The following MBD5 variants were observed in gnomAD, a reference collection of about 807,000 sequenced individuals.
The protein encoded by MBD5 is methyl-CpG-binding domain protein 5.
A neutral mutation model predicts 117.3 loss-of-function variants in MBD5; 13 were observed. That is an observed-to-expected ratio of 0.11 (90% CI 0.07 to 0.18). The LOEUF (loss-of-function observed/expected upper bound fraction) is 0.18. Among genes scored for constraint, MBD5 ranks in the 10% least tolerant of loss-of-function variants. MBD5 has a pLI of 1.00. For synonymous variants in MBD5, 727 were observed against 766.4 expected (o/e 0.95, Z 0.85); for missense variants, 1,879 against 2,093.8 (o/e 0.90, Z 2.00).
At chr2:148,374,148 A>G (rs1703928517) in intron 4 of MBD5, among the ~76,000 whole-genome samples, 1 of 152,002 alleles carries the variant, frequency 6.6e-6, no homozygotes, top group Non-Finnish European at 1.5e-5. Flanking sequence ...GTGACTTACT[A>G]GATGCCAATT....
chr2:148,348,874 T>C (rs549073269), intron 4 of MBD5, among the ~76,000 whole-genome samples: 10 of 152,078 alleles, frequency 6.6e-5, no homozygotes, highest in Non-Finnish European at 1.3e-4. Context: ...GCTTTCAATG[T>C]ACATAACAGC....
chr2:148,456,536 C>A (rs957098926), intron 4 of MBD5, among the ~76,000 whole-genome samples: 3 of 152,114 alleles, frequency 2.0e-5, no homozygotes, highest in African/African-American at 7.2e-5. Flanking sequence ...TGCTCACTAA[C>A]TGTTGAATGA....
chr2:148,021,308 G>T lies in MBD5; in HGVS notation c.-1301G>T. On this transcript the variant is annotated 5_prime_UTR_variant, in exon 1 of 14. Coordinates refer to ENST00000642680, the MANE Select transcript of MBD5 (RefSeq NM_001378120.1). Reference sequence around the variant, plus strand: ...GGGATTGAGCCTGAGAGAGGAGAAGGAGTTTCTTCTTCTTCGAAAACCCCC... The same window carrying T: ...GGGATTGAGCCTGAGAGAGGAGAAGTAGTTTCTTCTTCTTCGAAAACCCCC... The T allele has an allele frequency of 2.5e-6, 1 of 394,724 alleles. No individual in the cohort carries two copies. Among genetic ancestry groups the T allele is most frequent in the South Asian group, 2.0e-5 (1 of 49,958 alleles). 24.5% of individuals were successfully genotyped at this position (394,724 alleles called of 1,614,324 possible).
At chr2:148,108,734 G>A (rs1286949767) in intron 1 of MBD5, among the ~76,000 whole-genome samples, 1 of 151,976 alleles carries the variant, frequency 6.6e-6, no homozygotes, top group Non-Finnish European at 1.5e-5. Flanking sequence ...ACTCTATCTG[G>A]TATTTTAATT....
intron 13 of MBD5, among the ~76,000 whole-genome samples, chr2:148,512,655 T>C (rs921269842): frequency 6.6e-6 from 1 of 152,228 alleles, no homozygotes; most frequent in Non-Finnish European, 1.5e-5. Context: ...AGTGTTGCAC[T>C]GCTTATCAGT....
chr2:148,480,304 A>T (rs1019568898), intron 8 of MBD5, among the ~76,000 whole-genome samples: 2 of 152,090 alleles, frequency 1.3e-5, no homozygotes, highest in Non-Finnish European at 2.9e-5. Flanking sequence ...CAAAATGGCT[A>T]CTTCCTTGAA....
In MBD5 at chr2:148,468,364, C is replaced by G. The variant is rs757105717; in HGVS notation, c.421C>G (p.Arg141Gly). Residue 141 changes from arginine to glycine, a missense_variant, in exon 8 of 14, where the codon CGG (arginine) becomes GGG (glycine). By Grantham distance (125) the Arg-to-Gly change is moderately radical. Around this residue, in one of 4 missense-constraint regions of MBD5, gnomAD observed 1,666 missense variants for 1,792.2 expected, o/e 0.93. Transcript: ENST00000642680. The part of the protein sequence containing the change: ...GTNATPVVPS[R>G]AATPRSVRNK... ...AGATGCAACTCCAGTAGTACCTTCT[C>G]GGGCAGCAACTCCAAGATCAGTAAG... 1 of 1,613,496 alleles carries G rather than the reference C, an allele frequency of 6.2e-7. No individual in the cohort carries two copies. Among genetic ancestry groups the G allele is most frequent in the Non-Finnish European group, 8.5e-7 (1 of 1,179,710 alleles).
At chr2:148,283,673 G>T (rs1701303126) in intron 3 of MBD5, among the ~76,000 whole-genome samples, 1 of 152,062 alleles carries the variant, frequency 6.6e-6, no homozygotes, top group Admixed American at 6.6e-5. Context: ...CTCCACTGAA[G>T]TCCCCAATAC....
chr2:148,038,549 A>G (rs1694261412), intron 1 of MBD5, among the ~76,000 whole-genome samples: 1 of 151,268 alleles, frequency 6.6e-6, no homozygotes, highest in African/African-American at 2.4e-5. Flanking sequence ...AAGAAAAAGA[A>G]AACTTGAGGA....
rs1177710241 is a variant in MBD5, at chr2:148,367,230, G to T, written c.-557+24894G>T. On this transcript the variant is annotated intron_variant, in intron 4 of 13. Coordinates refer to ENST00000642680, the MANE Select transcript of MBD5 (RefSeq NM_001378120.1). ...CTGACAAAAACAAGCAATGGGGAAA[G>T]ATTCCCTATTTAATAAATGGCGTTG... is the stretch of plus-strand genomic sequence containing the variant. Among the ~76,000 whole-genome samples, 11 of 152,088 alleles carry T rather than the reference G, an allele frequency of 7.2e-5. No individual in the cohort carries two copies. The East Asian group carries it at 9.7e-4, about 13-fold the overall frequency.
At chr2:148,195,818 G>T (rs1434977818) in intron 2 of MBD5, among the ~76,000 whole-genome samples, 1 of 152,016 alleles carries the variant, frequency 6.6e-6, no homozygotes, top group Non-Finnish European at 1.5e-5. Flanking sequence ...ATTCACCAGA[G>T]AAATTAGAAA....
chr2:148,187,993 T>C (rs1414498365), intron 2 of MBD5, among the ~76,000 whole-genome samples: 2 of 152,144 alleles, frequency 1.3e-5, no homozygotes, highest in South Asian at 2.1e-4. Flanking sequence ...TATATGGCAA[T>C]AGTGCAAAGA....
chr2:148,394,270 G>A (rs1704642259), intron 4 of MBD5, among the ~76,000 whole-genome samples: 1 of 152,026 alleles, frequency 6.6e-6, no homozygotes. Flanking sequence ...CTTAAAATAA[G>A]AATTCACTAT....
intron 1 of MBD5, among the ~76,000 whole-genome samples, chr2:148,069,008 A>G (rs1695282115): frequency 6.6e-6 from 1 of 152,242 alleles, no homozygotes; most frequent in Admixed American, 6.5e-5. Context: ...TTTTTCTAGT[A>G]GTACAGGATT....
rs755460512 is a variant in MBD5 at position 148,512,953 on chromosome 2, C to A, written c.*12C>A. On this transcript the variant is annotated 3_prime_UTR_variant, in exon 14 of 14. Coordinates refer to ENST00000642680, the MANE Select transcript of MBD5 (RefSeq NM_001378120.1). The stretch of plus-strand genomic sequence containing the variant: ...AGATCTCCAGATAACAGAGACTACT[C>A]CACTAATGCGCAGTGTTTATTAAAG... The A allele has an allele frequency of 2.9e-5, 46 of 1,609,192 alleles. No homozygotes were observed. Among genetic ancestry groups the A allele is most frequent in the Non-Finnish European group, 3.8e-5 (45 of 1,175,760 alleles).
intron 2 of MBD5, among the ~76,000 whole-genome samples, chr2:148,197,970 A>G (rs753246893): frequency 1.2e-4 from 18 of 151,616 alleles, no homozygotes; most frequent in Admixed American, 3.9e-4. Context: ...ACCCACCACC[A>G]TGCCCAGCTA....
At chr2:148,393,891 G>A (rs1704632995) in intron 4 of MBD5, among the ~76,000 whole-genome samples, 1 of 152,172 alleles carries the variant, frequency 6.6e-6, no homozygotes. Flanking sequence ...AAGCTGGCAT[G>A]TTGGGGGCAA....
intron 1 of MBD5, among the ~76,000 whole-genome samples, chr2:148,074,830 C>T (rs1229467501): frequency 6.6e-6 from 1 of 151,928 alleles, no homozygotes; most frequent in East Asian, 1.9e-4. Context: ...GAGGATGTGG[C>T]AGTAATGATT....
intron 1 of MBD5, among the ~76,000 whole-genome samples, chr2:148,080,189 C>G (rs1324116653): frequency 6.6e-6 from 1 of 152,152 alleles, no homozygotes; most frequent in Non-Finnish European, 1.5e-5. Flanking sequence ...CCCTCAATTA[C>G]AGCAGGCAGG....
Sources: allele counts gnomAD v4.1 joint callset (sites outside exome capture counted in the v4.1 genomes callset), GRCh38; gene constraint gnomAD v4.1.1; regional missense constraint gnomAD v4.1.1; transcripts MANE v1.5; gene names NCBI Gene and HGNC (gene_info 2026-07-23, HGNC 2026-07-21).